The following ANKRD13B variants were observed in gnomAD, a reference collection of about 807,000 sequenced individuals.
ANKRD13B encodes ankyrin repeat domain 13B, also known as ankyrin repeat domain-containing protein 13B.
Under a neutral mutation model 74.4 loss-of-function variants are expected in ANKRD13B, and 33 were observed. The ratio of observed to expected loss-of-function variants is 0.44; its 90% CI spans 0.34 to 0.59. The LOEUF (loss-of-function observed/expected upper bound fraction) is 0.59. Ranked by LOEUF, ANKRD13B falls within the 20% of genes least tolerant of loss-of-function variation. ANKRD13B has a pLI of 0.02. For missense variants in ANKRD13B, 676 were observed against 877.9 expected, an observed-to-expected ratio of 0.77 and a Z score of 2.91; for synonymous variants, 341 against 362.9, an observed-to-expected ratio of 0.94 and a Z score of 0.68.
Position 29,609,741 on chromosome 17 carries a change from A to G in ANKRD13B, c.822+320A>G, listed in dbSNP as rs2034514981. ...CTTGGCATCCCATTTACTCTTCACA[A>G]CAACCCCAGGAAGTAGGGATGATCG... On this transcript the variant is annotated intron_variant, in intron 7 of 14. Coordinates refer to ENST00000394859, the MANE Select transcript of ANKRD13B (RefSeq NM_152345.5). The surrounding 1 kb of genome is among the most constrained non-coding windows in gnomAD (Gnocchi z 4.0). Among the ~76,000 whole-genome samples the G allele has an allele frequency of 6.6e-6, 1 of 152,156 alleles. No individual in the cohort carries two copies. The highest frequency in any genetic ancestry group is 6.5e-5 in the Admixed American group (1 of 15,282).
chr17:29,593,875 T>C (rs2033855555), intron 1 of ANKRD13B, 140 bp downstream of exon 1: 3 of 229,248 alleles, frequency 1.3e-5, no homozygotes, highest in Non-Finnish European at 1.4e-5. Flanking sequence ...GCTTTTGTGC[T>C]TGTTGACCGG....
At chr17:29,600,822 T>G (rs910723633) in intron 1 of ANKRD13B, among the ~76,000 whole-genome samples, 5 of 152,220 alleles carry the variant, frequency 3.3e-5, no homozygotes, top group Non-Finnish European at 5.9e-5. Flanking sequence ...AAGTCAGTTG[T>G]GAGGCCCCAG....
chr17:29,601,581 A>T (rs1202779325), intron 1 of ANKRD13B, among the ~76,000 whole-genome samples: 2 of 152,110 alleles, frequency 1.3e-5, no homozygotes, highest in Non-Finnish European at 1.5e-5. Context: ...GTACAGATTC[A>T]AGTTTCTATC....
chr17:29,610,600 A>G (rs1682878497), intron 7 of ANKRD13B, 85 bp from the exon 8 acceptor site: 1 of 1,239,408 alleles, frequency 8.1e-7, no homozygotes, highest in African/African-American at 1.5e-5. Flanking sequence ...ACCCTTTGCT[A>G]CAGGGAGTGT....
At position 29,613,622 on chromosome 17, in the gene ANKRD13B, C is replaced by CG. The variant is rs1244497150; in HGVS notation, c.*41dup. ...ACCCTCGCCAGCGCCACGCGCGCCACGCCCAGGGCCAGGAGCCAGACAAAC... is the reference window on the plus strand; with the variant it reads ...ACCCTCGCCAGCGCCACGCGCGCCACGGCCCAGGGCCAGGAGCCAGACAAAC... On this transcript the variant is annotated 3_prime_UTR_variant, in exon 15 of 15. Coordinates refer to ENST00000394859, the MANE Select transcript of ANKRD13B (RefSeq NM_152345.5). 1 of 1,394,508 alleles carries CG rather than the reference C, an allele frequency of 7.2e-7. No homozygotes were observed. The highest frequency in any genetic ancestry group is 9.3e-7 in the Non-Finnish European group (1 of 1,075,396). The allele number at this position is 1,394,508 out of a possible 1,614,324, so 86.4% of individuals were successfully genotyped here. A position where few individuals can be genotyped will look rare whatever the true frequency, so the allele number is the denominator to read the frequency against.
chr17:29,598,501 C>G (rs1268711257), intron 1 of ANKRD13B, among the ~76,000 whole-genome samples: 2 of 139,488 alleles, frequency 1.4e-5, no homozygotes, highest in South Asian at 2.7e-4. Context: ...CCTTCTCCCT[C>G]CCTCCCTCCC....
intron 1 of ANKRD13B, 195 bp downstream of exon 1, chr17:29,593,930 T>G: frequency 9.0e-6 from 2 of 221,650 alleles, no homozygotes; most frequent in Non-Finnish European, 1.7e-5. Flanking sequence ...ACCACACGTG[T>G]TTCGGACTCA....
At chr17:29,595,881 G>A (rs1447074733) in intron 1 of ANKRD13B, among the ~76,000 whole-genome samples, 1 of 152,138 alleles carries the variant, frequency 6.6e-6, no homozygotes, top group Non-Finnish European at 1.5e-5. Context: ...CTCCCCTCTC[G>A]AGGACTGGCC....
At chr17:29,606,467 A>G (rs919704676) in intron 1 of ANKRD13B, among the ~76,000 whole-genome samples, 3 of 151,916 alleles carry the variant, frequency 2.0e-5, no homozygotes, top group African/African-American at 7.2e-5. Flanking sequence ...CTGAGGCACA[A>G]GAATCGCTTG....
chr17:29,608,686 T>C lies in ANKRD13B; in HGVS notation c.422-165T>C. The C allele has an allele frequency of 1.0e-6, 1 of 965,098 alleles. No individual in the cohort carries two copies. Among genetic ancestry groups the C allele is most frequent in the South Asian group, 1.8e-5 (1 of 56,586 alleles). 59.8% of individuals were successfully genotyped at this position (965,098 alleles called of 1,614,324 possible). The stretch of plus-strand genomic sequence containing the variant: ...ACCTCAGGTTGCTCTTCTGTGTGAG[T>C]ATGGTCTACACTGGCCAGGGAGGGG... On this transcript the variant is annotated intron_variant, in intron 4 of 14. Transcript: ENST00000394859. This position sits in a 1 kb window ranked among gnomAD's most constrained non-coding sequence, Gnocchi z 6.4.
At chr17:29,601,080 C>T (rs113343445) in intron 1 of ANKRD13B, among the ~76,000 whole-genome samples, 8 of 151,622 alleles carry the variant, frequency 5.3e-5, no homozygotes, top group African/African-American at 1.9e-4. Flanking sequence ...TGCACCACCA[C>T]GCCTGGCTAA....
rs1598614766 is a variant in ANKRD13B at position 29,609,994 on chromosome 17, C to T, written c.822+573C>T. 6.6e-6 allele frequency among the ~76,000 whole-genome samples: 1 copy of T among 152,194 alleles called. No individual in the cohort carries two copies. The highest frequency in any genetic ancestry group is 1.9e-4 in the East Asian group (1 of 5,180). ...GGATCACCTGAGGTCAGTTCGAGAC[C>T]AGCCTGGCTAACATGGTGAAACCCC... On this transcript the variant is annotated intron_variant, in intron 7 of 14. Coordinates refer to ENST00000394859, the MANE Select transcript of ANKRD13B (RefSeq NM_152345.5). This position sits in a 1 kb window ranked among gnomAD's most constrained non-coding sequence, Gnocchi z 4.0.
At chr17:29,593,832 C>A (rs1221417653) in intron 1 of ANKRD13B, 97 bp downstream of exon 1, 5 of 622,306 alleles carry the variant, frequency 8.0e-6, no homozygotes, top group Admixed American at 5.0e-5. Flanking sequence ...GCCTCCCTGG[C>A]GAGTTTGCGG....
At chr17:29,597,994 G>GGCTGCA (rs919543056) in intron 1 of ANKRD13B, among the ~76,000 whole-genome samples, 1 of 152,096 alleles carries the variant, frequency 6.6e-6, no homozygotes, top group Admixed American at 6.5e-5. Context: ...CAGCGGCTGC[G>GGCTGCA]GCTGCAGCAT....
At chr17:29,600,949 G>A (rs892457200) in intron 1 of ANKRD13B, among the ~76,000 whole-genome samples, 1 of 141,766 alleles carries the variant, frequency 7.1e-6, no homozygotes, top group Non-Finnish European at 1.5e-5. Flanking sequence ...TTTTGAGACA[G>A]GGTCTGGCTT....
At chr17:29,597,809 C>T (rs890243661) in intron 1 of ANKRD13B, among the ~76,000 whole-genome samples, 17 of 152,188 alleles carry the variant, frequency 1.1e-4, no homozygotes, top group East Asian at 9.7e-4. Flanking sequence ...GCCATCCAGG[C>T]CTCCCTGGGG....
Position 29,612,341 on chromosome 17 carries a change from G to A in ANKRD13B, c.1259-61G>A, listed in dbSNP as rs2034609536. ...ACCGGGGTTTAGATGAGGTCGGGGT[G>A]GGGCTGAGGCTGAGGTGTGAGGGGC... On this transcript the variant is annotated intron_variant, in intron 11 of 14. Coordinates refer to ENST00000394859, the MANE Select transcript of ANKRD13B (RefSeq NM_152345.5). The surrounding 1 kb of genome is among the most constrained non-coding windows in gnomAD (Gnocchi z 6.1). 8 of 1,611,454 alleles carry A rather than the reference G, an allele frequency of 5.0e-6. No homozygotes were observed. The highest frequency in any genetic ancestry group is 6.8e-6 in the Non-Finnish European group (8 of 1,178,066).
chr17:29,599,286 C>G (rs900663621), intron 1 of ANKRD13B: 1 of 152,190 alleles, frequency 6.6e-6, no homozygotes, highest in Non-Finnish European at 1.5e-5. Context: ...CGATGGAAAG[C>G]CACTGGAAGA....
In ANKRD13B at chr17:29,610,722, C is replaced by T; in HGVS notation, c.860C>T (p.Thr287Ile). Residue 287 changes from threonine (T) to isoleucine (I), a missense_variant, in exon 8 of 15, where the codon ACA (threonine) becomes ATA (isoleucine). Thr to Ile is a moderately conservative substitution (Grantham distance 89). Around this residue, in one of 4 missense-constraint regions of ANKRD13B, gnomAD observed 328 missense variants for 518.4 expected, o/e 0.63. Transcript: ENST00000394859. ...GASNVELITR[T>I]RTEHLSEQHK... is the part of the protein sequence containing the mutation. ...TCTAACGTGGAGCTCATCACCCGCACACGGACAGAACATCTTTCAGAACAG... is the reference window on the plus strand; with the variant it reads ...TCTAACGTGGAGCTCATCACCCGCATACGGACAGAACATCTTTCAGAACAG... 3 of 1,614,030 alleles carry T rather than the reference C, an allele frequency of 1.9e-6. No homozygotes were observed. Among genetic ancestry groups the T allele is most frequent in the Non-Finnish European group, 2.5e-6 (3 of 1,179,956 alleles).
Sources: allele counts gnomAD v4.1 joint callset (sites outside exome capture counted in the v4.1 genomes callset), GRCh38; gene constraint gnomAD v4.1.1; regional missense constraint gnomAD v4.1.1; non-coding constraint Gnocchi (gnomAD v3.1); transcripts MANE v1.5; gene names NCBI Gene and HGNC (gene_info 2026-07-23, HGNC 2026-07-21).